The following STEAP3 variants were observed in gnomAD, a reference collection of about 807,000 sequenced individuals.
STEAP3 encodes metalloreductase STEAP3.
In STEAP3, 35 loss-of-function variants were observed where a neutral mutation model predicts 34.9. That is an observed-to-expected ratio of 1.00 (90% CI 0.76 to 1.33). STEAP3 has a LOEUF of 1.33. Among genes scored for constraint, STEAP3 ranks in the 40% most tolerant of loss-of-function variants. The pLI, the probability that STEAP3 is intolerant of heterozygous loss-of-function variation, is 0.00. For missense variants in STEAP3, 652 were observed against 667.6 expected, an observed-to-expected ratio of 0.98 and a Z score of 0.26; for synonymous variants, 281 against 301.6, an observed-to-expected ratio of 0.93 and a Z score of 0.71.
intron 1 of STEAP3, among the ~76,000 whole-genome samples, chr2:119,226,201 TG>T (rs1234584476): frequency 2.6e-5 from 4 of 152,132 alleles, no homozygotes; most frequent in Non-Finnish European, 4.4e-5. Flanking sequence ...CTGAGAGGGC[TG>T]GGGTGAGATT....
chr2:119,257,439 T>G, intron 5 of STEAP3: 1 of 1,477,228 alleles, frequency 6.8e-7, no homozygotes. Flanking sequence ...AAGTGACTGA[T>G]AGGTGCGCAT....
At chr2:119,247,005 A>C (rs1220471273) in intron 3 of STEAP3, 1 of 152,262 alleles carries the variant, frequency 6.6e-6, no homozygotes, top group Non-Finnish European at 1.5e-5. Flanking sequence ...TGTAAAGCTC[A>C]GCATAGAGTA....
At chr2:119,236,377 C>T (rs771112837) in intron 2 of STEAP3, among the ~76,000 whole-genome samples, 1 of 152,212 alleles carries the variant, frequency 6.6e-6, no homozygotes, top group Non-Finnish European at 1.5e-5. Flanking sequence ...GGGCCGCCAG[C>T]TAGCAAGTGG....
At chr2:119,258,774 ATTTTTTTTT>A (rs57860527) in intron 5 of STEAP3, among the ~76,000 whole-genome samples, 5 of 121,050 alleles carry the variant, frequency 4.1e-5, no homozygotes, top group African/African-American at 6.5e-5. Context: ...CACCTGGCTA[ATTTTTTTTT>A]TTTTTTTTTT....
chr2:119,245,567 T>A lies in STEAP3; in HGVS notation c.101T>A (p.Val34Asp), dbSNP rs1486273066. The A allele has an allele frequency of 6.2e-7, 1 of 1,605,754 alleles. No homozygotes were observed. The highest frequency in any genetic ancestry group is 8.5e-7 in the Non-Finnish European group (1 of 1,173,170). The change falls in exon 3 of 6, where the codon GTC becomes GAC. Residue 34 changes from valine (V) to aspartate (D), a missense_variant. Physicochemically the swap from Val to Asp is radical, Grantham distance 152 (BLOSUM62 -3). Transcript: ENST00000393110. ...GACAGCGATAGTAGCCTTGCCAAGG[T>A]CCCCGATGAGGCCCCCAAAGTGGGC... ...LVDSDSSLAKVPDEAPKVGIL... is the reference protein window; with the variant it reads ...LVDSDSSLAKDPDEAPKVGIL...
intron 1 of STEAP3, among the ~76,000 whole-genome samples, chr2:119,229,119 C>T (rs1326130700): frequency 6.6e-6 from 1 of 152,094 alleles, no homozygotes; most frequent in Admixed American, 6.5e-5. Flanking sequence ...ACTGCCCGGG[C>T]GATTCTGGTG....
chr2:119,246,006 A>C lies in STEAP3; in HGVS notation c.522+18A>C, dbSNP rs759758129. 6.3e-7 allele frequency: 1 copy of C among 1,598,302 alleles called. No homozygotes were observed. The highest frequency in any genetic ancestry group is 1.1e-5 in the South Asian group (1 of 90,486). On this transcript the variant is annotated intron_variant, in intron 3 of 5. Coordinates refer to ENST00000393110, the MANE Select transcript of STEAP3 (RefSeq NM_182915.3). ...ACAGGCAGGTAGGTTCTGGGGGAATAATACCCATCGTAACAATAAATATAA... is the reference window on the plus strand; with the variant it reads ...ACAGGCAGGTAGGTTCTGGGGGAATCATACCCATCGTAACAATAAATATAA...
chr2:119,253,841 T>TGTGAGGGCAGG lies in STEAP3; in HGVS notation c.1051-840_1051-830dup, dbSNP rs1677695879. On this transcript the variant is annotated intron_variant, in intron 4 of 5. Coordinates refer to ENST00000393110, the MANE Select transcript of STEAP3 (RefSeq NM_182915.3). ...AACTTGGTGGGGGGGCCCAGATCTC[T>TGTGAGGGCAGG]GTGAGGGCAGGGTAAGGGCAGGTAT... is the stretch of plus-strand genomic sequence containing the variant. Among the ~76,000 whole-genome samples the TGTGAGGGCAGG allele has an allele frequency of 3.3e-5, 5 of 152,174 alleles. No individual in the cohort carries two copies. The South Asian group carries it at 1.0e-3, about 32-fold the overall frequency.
intron 3 of STEAP3, among the ~76,000 whole-genome samples, chr2:119,247,229 G>T (rs145610552): frequency 6.6e-6 from 1 of 152,156 alleles, no homozygotes; most frequent in Non-Finnish European, 1.5e-5. Context: ...CATCATCAAG[G>T]GGGGTGATTC....
In STEAP3 at chr2:119,257,555, A is replaced by G. The variant is rs937590570; in HGVS notation, c.1215+2707A>G. 3.2e-6 allele frequency: 5 copies of G among 1,544,304 alleles called. No homozygotes were observed. The African/African-American group carries it at 6.9e-5, about 21-fold the overall frequency. ...ACTTACCTGCCCCGCATCATCAGAC[A>G]AGTTTCCTAGGCCCTCGGAGCTTCT... On this transcript the variant is annotated intron_variant, in intron 5 of 5. Coordinates refer to ENST00000393110, the MANE Select transcript of STEAP3 (RefSeq NM_182915.3).
chr2:119,232,030 TA>T (rs978765070), intron 2 of STEAP3, among the ~76,000 whole-genome samples: 10 of 152,010 alleles, frequency 6.6e-5, no homozygotes, highest in Non-Finnish European at 1.0e-4. Context: ...GGTTCTAGGA[TA>T]GGGGGCAGCC....
At chr2:119,224,125 C>T (rs1678958354) in intron 1 of STEAP3, among the ~76,000 whole-genome samples, 1 of 152,216 alleles carries the variant, frequency 6.6e-6, no homozygotes, top group Non-Finnish European at 1.5e-5. Context: ...TTGCGCCGCG[C>T]AGGTTAGGCA....
intron 4 of STEAP3, among the ~76,000 whole-genome samples, chr2:119,252,447 A>G (rs1164214251): frequency 1.3e-5 from 2 of 152,088 alleles, no homozygotes; most frequent in East Asian, 3.9e-4. Context: ...TCCATCACCC[A>G]CTATGAAGAC....
chr2:119,250,712 TGTCTA>T (rs1677598828), intron 4 of STEAP3, among the ~76,000 whole-genome samples: 1 of 152,120 alleles, frequency 6.6e-6, no homozygotes, highest in Admixed American at 6.5e-5. Flanking sequence ...CAACTGCCTT[TGTCTA>T]AATTCTCTGC....
At chr2:119,256,656 AG>A (rs917434840) in intron 5 of STEAP3, among the ~76,000 whole-genome samples, 125 of 152,308 alleles carry the variant, frequency 8.2e-4, no homozygotes, top group African/African-American at 2.8e-3. Flanking sequence ...CTGCAAGAGC[AG>A]GGGGGGTTAG....
In STEAP3 at chr2:119,242,638, T is replaced by A. The variant is rs185953971; in HGVS notation, c.23-2851T>A. On this transcript the variant is annotated intron_variant, in intron 2 of 5. Transcript: ENST00000393110. ...TGGCAGCCAGTGTTTGCTTAGTGAT[T>A]ACTGAATGCCGTTTGCTGGGTGCTT... Among the ~76,000 whole-genome samples, 70 of 152,324 alleles carry A rather than the reference T, an allele frequency of 4.6e-4. No individual in the cohort carries two copies. In the Middle Eastern group the frequency reaches 0.01, roughly 22 times the overall value.
chr2:119,248,589 G>T (rs1284975270), intron 4 of STEAP3: 3 of 184,758 alleles, frequency 1.6e-5, no homozygotes, highest in Admixed American at 6.0e-5. Flanking sequence ...GAGCAGAGCT[G>T]GAAGGAGGGG....
At chr2:119,248,501 G>A (rs531816756) in intron 4 of STEAP3, 5 of 379,372 alleles carry the variant, frequency 1.3e-5, no homozygotes, top group Admixed American at 8.7e-5. Flanking sequence ...GTGCTAAGGC[G>A]CAAAGGAAAG....
Position 119,263,318 on chromosome 2 carries a change from G to A in STEAP3, c.1477G>A (p.Glu493Lys), listed in dbSNP as rs200886089. Residue 493 changes from glutamate to lysine, a missense_variant, in exon 6 of 6, where the codon GAG becomes AAG. Glu to Lys is a moderately conservative substitution (Grantham distance 56, BLOSUM62 1). Transcript: ENST00000393110. Reference sequence around the variant, plus strand: ...GCTGCCCACAGACCACGCCCTGGCCGAGAAGACGAGCCACGTATGAGGTGC... The same window carrying A: ...GCTGCCCACAGACCACGCCCTGGCCAAGAAGACGAGCCACGTATGAGGTGC... ...FTLPTDHALA[E>K]KTSHV 227 of 1,612,856 alleles carry A rather than the reference G, an allele frequency of 1.4e-4. No individual in the cohort carries two copies. The highest frequency in any genetic ancestry group is 1.8e-4 in the Non-Finnish European group (211 of 1,179,698).
Sources: allele counts gnomAD v4.1 joint callset (sites outside exome capture counted in the v4.1 genomes callset), GRCh38; gene constraint gnomAD v4.1.1; transcripts MANE v1.5; gene names NCBI Gene and HGNC (gene_info 2026-07-23, HGNC 2026-07-21).